The following SOX6 variants were observed in gnomAD, a reference collection of about 807,000 sequenced individuals.
The protein encoded by SOX6 is transcription factor SOX-6.
A neutral mutation model predicts 97.8 loss-of-function variants in SOX6; 11 were observed. The observed-to-expected ratio is 0.11, with a 90% confidence interval of 0.07 to 0.19. SOX6 has a LOEUF of 0.19. SOX6 is among the 10% of genes least tolerant of loss of function. SOX6 has a pLI of 1.00. For missense variants in SOX6, 810 were observed against 1,039.5 expected, an observed-to-expected ratio of 0.78 and a Z score of 3.04; for synonymous variants, 360 against 371.4, an observed-to-expected ratio of 0.97 and a Z score of 0.35.
chr11:16,183,869 T>C lies in SOX6; in HGVS notation c.777+17A>G. 1 of 1,609,814 alleles carries C rather than the reference T, an allele frequency of 6.2e-7. No individual in the cohort carries two copies. Among genetic ancestry groups the C allele is most frequent in the Non-Finnish European group, 8.5e-7 (1 of 1,176,596 alleles). On this transcript the variant is annotated intron_variant, in intron 6 of 15. Transcript: ENST00000683767. ...GTATCTAAGTATAATCAGACGAGAG[T>C]AATAAAATACACTGACCTGGATCTG...
chr11:16,530,079 AAAC>A (rs1472925964), intron 4 of SOX6, among the ~76,000 whole-genome samples: 1 of 152,064 alleles, frequency 6.6e-6, no homozygotes, highest in Non-Finnish European at 1.5e-5. Flanking sequence ...ACAGAAAAAA[AAAC>A]ACAGCTTTGC....
At chr11:16,711,286 G>C (rs1590060687) in intron 3 of SOX6, among the ~76,000 whole-genome samples, 2 of 152,226 alleles carry the variant, frequency 1.3e-5, no homozygotes, top group Non-Finnish European at 2.9e-5. Flanking sequence ...CCCAGCACTT[G>C]GAGAGGCCAA....
chr11:16,600,761 AC>A (rs1760319234), intron 4 of SOX6, among the ~76,000 whole-genome samples: 1 of 152,242 alleles, frequency 6.6e-6, no homozygotes, highest in Non-Finnish European at 1.5e-5. Context: ...GAAAATAAAA[AC>A]ACTTTCCTGT....
chr11:16,154,904 T>C (rs1850557793), intron 6 of SOX6, among the ~76,000 whole-genome samples: 1 of 152,032 alleles, frequency 6.6e-6, no homozygotes, highest in Admixed American at 6.6e-5. Context: ...GCTGCACATA[T>C]TTTAGTTCTT....
chr11:16,116,949 C>G lies in SOX6; in HGVS notation c.778-5026G>C, dbSNP rs145700673. 1.4e-4 allele frequency among the ~76,000 whole-genome samples: 21 copies of G among 152,282 alleles called. No homozygotes were observed. In the East Asian group the frequency reaches 4.1e-3, roughly 29 times the overall value. On this transcript the variant is annotated intron_variant, in intron 6 of 15. Coordinates refer to ENST00000683767, the MANE Select transcript of SOX6 (RefSeq NM_001367873.1). ...AAGTTTCATCCTGAAACCATCCCCC[C>G]TCCCCTACCCAGTCCATGCAAAAAC... is the stretch of plus-strand genomic sequence containing the variant.
chr11:16,457,819 C>A (rs761284223), intron 1 of SOX6, among the ~76,000 whole-genome samples: 2 of 152,010 alleles, frequency 1.3e-5, no homozygotes, highest in Non-Finnish European at 2.9e-5. Flanking sequence ...GCCCTTACAG[C>A]AATGGTTGAA....
chr11:16,145,199 C>T lies in SOX6; in HGVS notation c.778-33276G>A, dbSNP rs186579606. ...TGGGATGCAAGGCTGGTTCAACATGCGCAAATCAATAAACGGAATCCAGCA... is the reference window on the plus strand; with the variant it reads ...TGGGATGCAAGGCTGGTTCAACATGTGCAAATCAATAAACGGAATCCAGCA... On this transcript the variant is annotated intron_variant, in intron 6 of 15. Transcript: ENST00000683767. Among the ~76,000 whole-genome samples the T allele has an allele frequency of 3.3e-3, 506 of 152,218 alleles. 5 individuals carry two copies. The highest frequency in any genetic ancestry group is 0.011 in the African/African-American group (464 of 41,538).
intron 1 of SOX6, among the ~76,000 whole-genome samples, chr11:16,415,461 T>C (rs1339480663): frequency 6.6e-6 from 1 of 152,128 alleles, no homozygotes; most frequent in Admixed American, 6.6e-5. Flanking sequence ...GGAATTTCTA[T>C]AGAATACTAC....
intron 12 of SOX6, among the ~76,000 whole-genome samples, chr11:16,039,185 C>A (rs1252274076): frequency 6.6e-6 from 1 of 152,026 alleles, no homozygotes; most frequent in Non-Finnish European, 1.5e-5. Context: ...ACAATCTCCT[C>A]TCTATTTAGT....
chr11:16,219,264 C>A (rs1304429593), intron 4 of SOX6, among the ~76,000 whole-genome samples: 2 of 151,978 alleles, frequency 1.3e-5, no homozygotes, highest in Non-Finnish European at 2.9e-5. Flanking sequence ...CTCTTATTGA[C>A]TTCCATAAGG....
intron 6 of SOX6, among the ~76,000 whole-genome samples, chr11:16,156,114 T>C (rs962796811): frequency 2.0e-5 from 3 of 152,038 alleles, no homozygotes; most frequent in Admixed American, 6.6e-5. Context: ...CTGGTCACAG[T>C]TCCCTCAAAT....
At chr11:16,564,388 G>C (rs1185593334) in intron 4 of SOX6, among the ~76,000 whole-genome samples, 1 of 152,108 alleles carries the variant, frequency 6.6e-6, no homozygotes, top group East Asian at 1.9e-4. Flanking sequence ...CTGGTAAACT[G>C]ACTATTCCAG....
At chr11:16,596,983 G>T (rs1319050131) in intron 4 of SOX6, among the ~76,000 whole-genome samples, 1 of 152,094 alleles carries the variant, frequency 6.6e-6, no homozygotes, top group Admixed American at 6.6e-5. Flanking sequence ...CAAAGAGATG[G>T]GGAAACAAGA....
chr11:16,418,731 T>C (rs574940670), intron 1 of SOX6, among the ~76,000 whole-genome samples: 4 of 152,166 alleles, frequency 2.6e-5, no homozygotes, highest in Admixed American at 1.3e-4. Context: ...GGGAACCTGA[T>C]TGGCAGGCTT....
chr11:16,402,303 T>A (rs1016984707), intron 1 of SOX6, among the ~76,000 whole-genome samples: 4 of 151,688 alleles, frequency 2.6e-5, no homozygotes, highest in Non-Finnish European at 5.9e-5. Flanking sequence ...TCATAGAATT[T>A]ATGATAAAAT....
intron 4 of SOX6, among the ~76,000 whole-genome samples, chr11:16,488,062 C>T (rs148470043): frequency 7.7e-4 from 117 of 152,058 alleles, no homozygotes; most frequent in African/African-American, 2.7e-3. Context: ...TCTAAATTCA[C>T]GGTAGAAATT....
chr11:16,433,762 T>C (rs1439247907), intron 1 of SOX6, among the ~76,000 whole-genome samples: 5 of 152,130 alleles, frequency 3.3e-5, no homozygotes, highest in African/African-American at 7.2e-5. Flanking sequence ...TTAAGCAATA[T>C]GAGCAGGATG....
At chr11:16,109,288 C>A (rs773071846) in intron 7 of SOX6, among the ~76,000 whole-genome samples, 3 of 152,096 alleles carry the variant, frequency 2.0e-5, no homozygotes, top group Non-Finnish European at 4.4e-5. Context: ...GCTGCCTCAA[C>A]CTACCGGGCT....
chr11:15,988,836 C>T (rs541860650), intron 14 of SOX6, among the ~76,000 whole-genome samples, 161 bp downstream of exon 14: 2 of 152,320 alleles, frequency 1.3e-5, no homozygotes, highest in South Asian at 2.1e-4. Flanking sequence ...GGGAGGCAGA[C>T]GTGATGACGA....
Sources: gnomAD v4.1 joint callset for allele counts (sites outside exome capture counted in the v4.1 genomes callset) on GRCh38, gnomAD v4.1.1 for gene constraint, MANE v1.5 for transcripts, NCBI Gene and HGNC (gene_info 2026-07-23, HGNC 2026-07-21) for gene names.